Variants in CNKSR2 observed in about 807,000 individuals in gnomAD.
The protein encoded by CNKSR2 is CNK homolog protein 2.
In CNKSR2, 14 loss-of-function variants were observed where a neutral mutation model predicts 84.4. That is an observed-to-expected ratio of 0.17 (90% confidence interval 0.11 to 0.26). The LOEUF (loss-of-function observed/expected upper bound fraction) is 0.26, where lower values mean the gene tolerates loss of function less well. Ranked by LOEUF, CNKSR2 falls within the 10% of genes least tolerant of loss-of-function variation. The probability of loss-of-function intolerance (pLI) is 1.00; values close to 1 mark genes in which losing one functional copy is unlikely to be tolerated. For synonymous variants in CNKSR2, 275 were observed against 277.9 expected (o/e 0.99, Z 0.10); for missense variants, 485 against 771.2 (o/e 0.63, Z 4.40).
intron 18 of CNKSR2, among the ~76,000 whole-genome samples, chrX:21,605,229 A>G (rs2092509312): frequency 9.0e-6 from 1 of 111,728 alleles, no homozygotes; most frequent in Admixed American, 9.5e-5. Context: ...TTCCATCAGC[A>G]TTTGCTGGGT....
chrX:21,416,263 G>A (rs1332566942), intron 1 of CNKSR2, among the ~76,000 whole-genome samples: 1 of 111,865 alleles, frequency 8.9e-6, no homozygotes, highest in African/African-American at 3.2e-5. Context: ...TGCATATGTT[G>A]AACAAGTCTT....
chrX:21,631,318 C>CTAAA (rs1033115183), intron 20 of CNKSR2, among the ~76,000 whole-genome samples: 50 of 111,248 alleles, frequency 4.5e-4, no homozygotes, highest in African/African-American at 9.8e-4. Flanking sequence ...AACCCTGTCT[C>CTAAA]TAAATAAATA....
chrX:21,510,938 CTAA>C (rs1031723886), intron 8 of CNKSR2, among the ~76,000 whole-genome samples: 3 of 111,339 alleles, frequency 2.7e-5, no homozygotes. Flanking sequence ...AACATTATAG[CTAA>C]TAATAAGACA....
At chrX:21,573,940 C>A (rs2092301950) in intron 13 of CNKSR2, among the ~76,000 whole-genome samples, 1 of 111,637 alleles carries the variant, frequency 9.0e-6, no homozygotes, top group Non-Finnish European at 1.9e-5. Context: ...TGTAACTTTT[C>A]CAAATTTTTA....
At chrX:21,639,730 A>G (rs2092685705) in intron 20 of CNKSR2, among the ~76,000 whole-genome samples, 1 of 111,550 alleles carries the variant, frequency 9.0e-6, no homozygotes, top group Admixed American at 9.6e-5. Context: ...AATTGCTGTT[A>G]CTCCAACCAG....
At chrX:21,390,654 T>A (rs1476368917) in intron 1 of CNKSR2, among the ~76,000 whole-genome samples, 1 of 111,646 alleles carries the variant, frequency 9.0e-6, no homozygotes, top group Non-Finnish European at 1.9e-5. Context: ...GAGTTTTGGG[T>A]GGGGCCACAA....
intron 20 of CNKSR2, among the ~76,000 whole-genome samples, chrX:21,624,004 A>G (rs185369866): frequency 9.0e-6 from 1 of 111,559 alleles, no homozygotes; most frequent in East Asian, 2.8e-4. Flanking sequence ...CATCAATAAT[A>G]TTTCCACTGG....
At chrX:21,580,432 A>G (rs1236277284) in intron 13 of CNKSR2, among the ~76,000 whole-genome samples, 1 of 111,907 alleles carries the variant, frequency 8.9e-6, no homozygotes, top group Non-Finnish European at 1.9e-5. Context: ...AATATGATAA[A>G]GATATTTAGA....
chrX:21,609,559 A>AGAGGAGGAG lies in CNKSR2; in HGVS notation c.2649_2657dup (p.Glu884_Glu886dup). Reference sequence around the variant, plus strand: ...ACGTGCAACCCCCAGAGGTGGAGGAAGAGGAGGAGGAGGAGGAGGAGGAAG... The same window carrying AGAGGAGGAG: ...ACGTGCAACCCCCAGAGGTGGAGGAAGAGGAGGAGGAGGAGGAGGAGGAGGAGGAGGAAG... On this transcript the variant is annotated inframe_insertion, in exon 20 of 22. Coordinates refer to ENST00000379510, the MANE Select transcript of CNKSR2 (RefSeq NM_014927.5). 2 of 1,206,198 alleles carry AGAGGAGGAG rather than the reference A, an allele frequency of 1.7e-6. No homozygotes were observed. The highest frequency in any genetic ancestry group is 1.1e-6 in the Non-Finnish European group (1 of 892,417).
At chrX:21,636,550 T>C (rs948336118) in intron 20 of CNKSR2, among the ~76,000 whole-genome samples, 1 of 111,539 alleles carries the variant, frequency 9.0e-6, no homozygotes, top group African/African-American at 3.2e-5. Context: ...GGAATGGTTA[T>C]TTTTACTAAA....
intron 4 of CNKSR2, among the ~76,000 whole-genome samples, chrX:21,461,010 T>A (rs2147123995): frequency 8.9e-6 from 1 of 112,921 alleles, no homozygotes; most frequent in South Asian, 3.6e-4. Context: ...TGCAGATATC[T>A]TTTTAATATC....
At chrX:21,626,844 T>C (rs905119237) in intron 20 of CNKSR2, among the ~76,000 whole-genome samples, 1 of 112,122 alleles carries the variant, frequency 8.9e-6, no homozygotes, top group Non-Finnish European at 1.9e-5. Context: ...GTAATACATA[T>C]CCAAGAGGGA....
chrX:21,598,495 A>G (rs1277107908), intron 17 of CNKSR2, among the ~76,000 whole-genome samples: 1 of 111,548 alleles, frequency 9.0e-6, no homozygotes, highest in Non-Finnish European at 1.9e-5. Flanking sequence ...ATATCACCTT[A>G]CCTGTATTTT....
chrX:21,586,538 C>T (rs1159263426), intron 13 of CNKSR2, among the ~76,000 whole-genome samples: 4 of 111,467 alleles, frequency 3.6e-5, no homozygotes, highest in Non-Finnish European at 5.7e-5. Flanking sequence ...GAAGAACCTT[C>T]CACCCAAGCT....
chrX:21,521,156 A>T (rs2091779451), intron 9 of CNKSR2, among the ~76,000 whole-genome samples: 2 of 108,515 alleles, frequency 1.8e-5, no homozygotes, highest in South Asian at 7.7e-4. Context: ...GTTGTGACTG[A>T]AAAAAAAACA....
At chrX:21,461,896 G>T (rs1024122016) in intron 4 of CNKSR2, among the ~76,000 whole-genome samples, 2 of 111,657 alleles carry the variant, frequency 1.8e-5, no homozygotes, top group African/African-American at 6.5e-5. Flanking sequence ...ACTGGACTCT[G>T]TGTCTGTTTT....
At chrX:21,540,703 A>C (rs1040524195) in intron 11 of CNKSR2, among the ~76,000 whole-genome samples, 1 of 111,695 alleles carries the variant, frequency 9.0e-6, no homozygotes, top group Non-Finnish European at 1.9e-5. Context: ...AAGTATGTGA[A>C]TTTAGCTACC....
chrX:21,576,018 A>G (rs1207855293), intron 13 of CNKSR2, among the ~76,000 whole-genome samples: 2 of 112,039 alleles, frequency 1.8e-5, no homozygotes, highest in Non-Finnish European at 3.8e-5. Context: ...TCCATCTCTC[A>G]ATAATTCATA....
intron 1 of CNKSR2, among the ~76,000 whole-genome samples, chrX:21,393,507 C>G (rs141617428): frequency 1.8e-5 from 2 of 111,998 alleles, no homozygotes; most frequent in South Asian, 7.4e-4. Context: ...GAATTTATCT[C>G]GGGTTAGGTG....
Sources: gnomAD v4.1 joint callset for allele counts (sites outside exome capture counted in the v4.1 genomes callset) on GRCh38, gnomAD v4.1.1 for gene constraint, MANE v1.5 for transcripts, NCBI Gene and HGNC (gene_info 2026-07-23, HGNC 2026-07-21) for gene names.